Variants in SCD5 observed in about 807,000 individuals in gnomAD.
SCD5 encodes the protein stearoyl-CoA desaturase 5.
A neutral mutation model predicts 30.4 loss-of-function variants in SCD5; 20 were observed. That is an observed-to-expected ratio of 0.66 (90% CI 0.46 to 0.96). The LOEUF is 0.96. Among genes scored for constraint, SCD5 ranks in the 40% least tolerant of loss-of-function variants. The pLI is 0.00. For missense variants in SCD5, 381 were observed against 443.3 expected (o/e 0.86, Z 1.26); for synonymous variants, 173 against 176.4 (o/e 0.98, Z 0.16).
chr4:82,652,088 A>G (rs1366680581), intron 3 of SCD5, among the ~76,000 whole-genome samples: 1 of 152,064 alleles, frequency 6.6e-6, no homozygotes, highest in South Asian at 2.1e-4. Flanking sequence ...TGGTCCTGGA[A>G]CTACACTTCG....
At chr4:82,770,176 CTG>C (rs983182938) in intron 1 of SCD5, among the ~76,000 whole-genome samples, 5 of 146,224 alleles carry the variant, frequency 3.4e-5, no homozygotes, top group Non-Finnish European at 6.0e-5. Flanking sequence ...TAATGCTATC[CTG>C]CCCCCCTCCC....
At chr4:82,724,305 A>G (rs181293658) in intron 1 of SCD5, among the ~76,000 whole-genome samples, 23 of 152,334 alleles carry the variant, frequency 1.5e-4, no homozygotes, top group African/African-American at 5.5e-4. Context: ...GATGGCCAGC[A>G]TGAGAAAGTA....
At chr4:82,779,063 C>T (rs1231649391) in intron 1 of SCD5, among the ~76,000 whole-genome samples, 1 of 152,088 alleles carries the variant, frequency 6.6e-6, no homozygotes, top group Non-Finnish European at 1.5e-5. Flanking sequence ...CGGGGTTTCT[C>T]CATGTTGGTC....
intron 1 of SCD5, chr4:82,775,771 C>A (rs891574219): frequency 5.3e-5 from 8 of 152,204 alleles, no homozygotes; most frequent in Non-Finnish European, 7.3e-5. Context: ...GCTGGTGGAT[C>A]ACTTGAGCCT....
intron 1 of SCD5, among the ~76,000 whole-genome samples, chr4:82,783,465 A>C (rs1409899037): frequency 6.6e-6 from 1 of 152,224 alleles, no homozygotes; most frequent in East Asian, 1.9e-4. Flanking sequence ...AGAGAATATC[A>C]AAAGTAAATT....
chr4:82,664,324 GTC>G (rs1373777735), intron 3 of SCD5, among the ~76,000 whole-genome samples: 1 of 152,110 alleles, frequency 6.6e-6, no homozygotes, highest in African/African-American at 2.4e-5. Context: ...CATACTGAAG[GTC>G]TGAAAGAAAA....
chr4:82,659,711 T>C (rs1727942478), intron 3 of SCD5, among the ~76,000 whole-genome samples: 1 of 152,236 alleles, frequency 6.6e-6, no homozygotes, highest in African/African-American at 2.4e-5. Flanking sequence ...ATGATTTCCA[T>C]TCTTTTGCAT....
At chr4:82,772,093 G>T (rs1026865415) in intron 1 of SCD5, among the ~76,000 whole-genome samples, 4 of 152,224 alleles carry the variant, frequency 2.6e-5, no homozygotes, top group Non-Finnish European at 5.9e-5. Flanking sequence ...AATTTTGATG[G>T]CGATTTCAGC....
chr4:82,730,869 C>A (rs775351717), intron 1 of SCD5, among the ~76,000 whole-genome samples: 70 of 152,272 alleles, frequency 4.6e-4, no homozygotes, highest in Non-Finnish European at 9.1e-4. Flanking sequence ...CAGGCGTGAG[C>A]CACAGCGCCC....
chr4:82,636,712 G>A lies in SCD5; in HGVS notation c.681C>T (p.Arg227=), dbSNP rs758788225. ...WNSYFLASIL[R]YTISLNISWL... is the part of the protein sequence containing the mutation. ...AGCTGATGTTGAGTGAGATGGTATA[G>A]CGGAGAATAGAGGCCAAGAAGTAGG... Residue 227 remains arginine (R), a synonymous_variant, in exon 4 of 5, where the codon CGC becomes CGT. Coordinates refer to ENST00000319540, the MANE Select transcript of SCD5 (RefSeq NM_001037582.3). 1.9e-6 allele frequency: 3 copies of A among 1,614,246 alleles called. No individual in the cohort carries two copies. Among genetic ancestry groups the A allele is most frequent in the Non-Finnish European group, 2.5e-6 (3 of 1,180,048 alleles).
At chr4:82,776,629 A>G (rs1271973242) in intron 1 of SCD5, among the ~76,000 whole-genome samples, 8 of 152,158 alleles carry the variant, frequency 5.3e-5, no homozygotes, top group African/African-American at 1.9e-4. Context: ...GCCTCTTCCA[A>G]CGAGCATCTG....
At chr4:82,674,241 G>T (rs2148819789) in intron 3 of SCD5, among the ~76,000 whole-genome samples, 1 of 152,210 alleles carries the variant, frequency 6.6e-6, no homozygotes, top group East Asian at 1.9e-4. Flanking sequence ...ATTTGCAAAA[G>T]ACATATCTGA....
intron 1 of SCD5, among the ~76,000 whole-genome samples, chr4:82,749,989 G>A (rs990137474): frequency 6.6e-5 from 10 of 152,166 alleles, no homozygotes; most frequent in Non-Finnish European, 7.3e-5. Flanking sequence ...CCAGCTCTAC[G>A]TTTATTAGCT....
At chr4:82,712,297 T>TATATATACACA (rs1560540874) in intron 1 of SCD5, among the ~76,000 whole-genome samples, 1 of 33,766 alleles carries the variant, frequency 3.0e-5, no homozygotes. Flanking sequence ...TATATATATA[T>TATATATACACA]TTTATTTTTA....
At chr4:82,685,625 A>G (rs1728686276) in intron 2 of SCD5, among the ~76,000 whole-genome samples, 1 of 131,970 alleles carries the variant, frequency 7.6e-6, no homozygotes, top group African/African-American at 2.9e-5. Flanking sequence ...AGGCATGAGA[A>G]TCACCTGAAC....
intron 1 of SCD5, among the ~76,000 whole-genome samples, chr4:82,773,509 T>G (rs1721673994): frequency 6.6e-6 from 1 of 152,202 alleles, no homozygotes; most frequent in African/African-American, 2.4e-5. Flanking sequence ...TGGCTGAGCT[T>G]CAGCCAGCTA....
At chr4:82,769,415 G>A (rs1422277182) in intron 1 of SCD5, among the ~76,000 whole-genome samples, 2 of 152,106 alleles carry the variant, frequency 1.3e-5, no homozygotes, top group Non-Finnish European at 2.9e-5. Flanking sequence ...GTGTTTTCCA[G>A]AGTCCATAAT....
chr4:82,686,500 A>C (rs1728707052), intron 2 of SCD5, among the ~76,000 whole-genome samples: 1 of 152,238 alleles, frequency 6.6e-6, no homozygotes, highest in African/African-American at 2.4e-5. Context: ...GTTTATCTTA[A>C]GGAAATCATG....
intron 1 of SCD5, among the ~76,000 whole-genome samples, chr4:82,708,085 G>A (rs549343314): frequency 6.6e-6 from 1 of 152,214 alleles, no homozygotes; most frequent in South Asian, 2.1e-4. Context: ...CATGGGGTAG[G>A]GGGTGGAGGA....
Sources: allele counts gnomAD v4.1 joint callset (sites outside exome capture counted in the v4.1 genomes callset), GRCh38; gene constraint gnomAD v4.1.1; transcripts MANE v1.5; gene names NCBI Gene and HGNC (gene_info 2026-07-23, HGNC 2026-07-21).